DISC1: variants seen among roughly 807,000 people sequenced by gnomAD.
DISC1 encodes DISC1 scaffold protein, also known as disrupted in schizophrenia 1 protein.
Under a neutral mutation model 84.5 loss-of-function variants are expected in DISC1, and 57 were observed. That is an observed-to-expected ratio of 0.67 (90% CI 0.55 to 0.84). DISC1 has a LOEUF of 0.84. Among genes scored for constraint, DISC1 ranks in the 40% least tolerant of loss-of-function variants. The pLI, the probability that DISC1 is intolerant of heterozygous loss-of-function variation, is 0.00. For synonymous variants in DISC1, 411 were observed against 415.2 expected, an observed-to-expected ratio of 0.99 and a Z score of 0.12; for missense variants, 1,000 against 1,057.8, an observed-to-expected ratio of 0.95 and a Z score of 0.76.
At chr1:231,965,852 C>T (rs821596) in intron 10 of DISC1, among the ~76,000 whole-genome samples, 42,673 of 152,186 alleles carry the variant, frequency 0.28, 6,204 homozygotes, top group South Asian at 0.3. Context: ...TTTCTGGCCT[C>T]CTGCTATTTC....
intron 9 of DISC1, among the ~76,000 whole-genome samples, chr1:231,856,562 C>G (rs893673781): frequency 2.0e-5 from 3 of 152,200 alleles, no homozygotes; most frequent in Non-Finnish European, 4.4e-5. Context: ...TTCTCTTGTG[C>G]TCAGGCACAT....
chr1:231,921,194 G>A (rs1387850180), intron 9 of DISC1, among the ~76,000 whole-genome samples: 2 of 152,036 alleles, frequency 1.3e-5, no homozygotes, highest in East Asian at 1.9e-4. Flanking sequence ...GATTATAGGC[G>A]TGAGCCACTG....
At chr1:231,903,465 G>A (rs887537376) in intron 9 of DISC1, among the ~76,000 whole-genome samples, 1 of 152,218 alleles carries the variant, frequency 6.6e-6, no homozygotes, top group Non-Finnish European at 1.5e-5. Context: ...TATATAATAT[G>A]TGAAAAAATA....
chr1:231,726,914 A>C (rs1206004799), intron 3 of DISC1, among the ~76,000 whole-genome samples: 1 of 152,170 alleles, frequency 6.6e-6, no homozygotes, highest in Admixed American at 6.5e-5. Context: ...GTGAGATTTT[A>C]CCCTTCCCTG....
chr1:231,875,358 A>C, intron 9 of DISC1, among the ~76,000 whole-genome samples: 1 of 152,052 alleles, frequency 6.6e-6, no homozygotes. Flanking sequence ...CTGGTGAGTG[A>C]AGGCCACTTG....
chr1:231,658,189 C>T (rs1352244454), intron 1 of DISC1, among the ~76,000 whole-genome samples: 1 of 152,134 alleles, frequency 6.6e-6, no homozygotes, highest in Non-Finnish European at 1.5e-5. Context: ...TTGAAGAGGT[C>T]CTTCACTTCC....
chr1:231,707,334 C>T (rs201284184), intron 3 of DISC1, among the ~76,000 whole-genome samples: 2 of 152,120 alleles, frequency 1.3e-5, no homozygotes, highest in Non-Finnish European at 2.9e-5. Context: ...CTGCAGCTCC[C>T]TTGAACAAGG....
chr1:231,955,748 C>T (rs1659386685), intron 9 of DISC1, among the ~76,000 whole-genome samples: 1 of 152,136 alleles, frequency 6.6e-6, no homozygotes, highest in South Asian at 2.1e-4. Context: ...CCTCAGCCTC[C>T]CAAAGTGCTG....
intron 5 of DISC1, among the ~76,000 whole-genome samples, chr1:231,767,948 A>C (rs531272505): frequency 5.9e-5 from 9 of 152,322 alleles, no homozygotes; most frequent in African/African-American, 2.2e-4. Flanking sequence ...TGTGAGCTGC[A>C]GTTGTTAAGA....
At chr1:232,010,550 A>G (rs1039511391) in intron 11 of DISC1, among the ~76,000 whole-genome samples, 2 of 152,186 alleles carry the variant, frequency 1.3e-5, no homozygotes, top group African/African-American at 2.4e-5. Context: ...GAGAAAAATG[A>G]ATATCTTTCC....
intron 9 of DISC1, among the ~76,000 whole-genome samples, chr1:231,892,458 G>A (rs890938578): frequency 6.6e-6 from 1 of 152,132 alleles, no homozygotes; most frequent in Non-Finnish European, 1.5e-5. Context: ...ACCCTGTGGT[G>A]CCTTGGTGTC....
At chr1:231,895,049 T>C (rs1018339406) in intron 9 of DISC1, among the ~76,000 whole-genome samples, 2 of 151,620 alleles carry the variant, frequency 1.3e-5, no homozygotes, top group Non-Finnish European at 2.9e-5. Flanking sequence ...ACTTTAAATC[T>C]ACTATCTTGC....
rs2077859039 is a variant in DISC1, at chr1:231,786,346, A to G, written c.1635-8896A>G. Among the ~76,000 whole-genome samples the G allele has an allele frequency of 3.9e-5, 6 of 152,326 alleles. No homozygotes were observed. The South Asian group carries it at 1.2e-3, about 32-fold the overall frequency. On this transcript the variant is annotated intron_variant, in intron 6 of 12. Coordinates refer to ENST00000439617, the MANE Select transcript of DISC1 (RefSeq NM_018662.3). ...CTTGTTCAAAGTCTTGCAGAAAGTTAGTGGGGTAGTGGTGTAATTCTCTAA... is the reference window on the plus strand; with the variant it reads ...CTTGTTCAAAGTCTTGCAGAAAGTTGGTGGGGTAGTGGTGTAATTCTCTAA...
intron 10 of DISC1, among the ~76,000 whole-genome samples, chr1:231,969,575 T>C (rs1035550294): frequency 1.0e-4 from 15 of 143,528 alleles, no homozygotes; most frequent in African/African-American, 1.8e-4. Flanking sequence ...GATACTCCAA[T>C]ATACTTGTTT....
intron 9 of DISC1, chr1:231,925,828 G>T (rs2090330192): frequency 6.6e-6 from 1 of 152,312 alleles, no homozygotes; most frequent in Non-Finnish European, 1.5e-5. Context: ...CATGCTACGG[G>T]TTGCTGACAA....
chr1:231,816,303 TTTAA>T (rs1437568473), intron 8 of DISC1, among the ~76,000 whole-genome samples: 4 of 152,264 alleles, frequency 2.6e-5, no homozygotes, highest in Admixed American at 2.6e-4. Context: ...CCATTTGTGT[TTTAA>T]TTGTCAAGTT....
intron 8 of DISC1, among the ~76,000 whole-genome samples, chr1:231,815,575 A>G (rs557363740): frequency 3.9e-5 from 6 of 152,134 alleles, no homozygotes; most frequent in African/African-American, 1.4e-4. Context: ...CGGCTCTACT[A>G]AAAAATACAA....
intron 10 of DISC1, among the ~76,000 whole-genome samples, chr1:231,990,352 TCTC>T (rs1332048389): frequency 5.3e-5 from 8 of 151,700 alleles, no homozygotes. Context: ...CCTGAAGACA[TCTC>T]CTTCCGGCCA....
chr1:231,722,920 G>C (rs545817140), intron 3 of DISC1: 24 of 1,278,460 alleles, frequency 1.9e-5, no homozygotes, highest in East Asian at 3.7e-5. Context: ...ATTTTTGTAG[G>C]GGGGAGAAAC....
Sources: allele counts gnomAD v4.1 joint callset (sites outside exome capture counted in the v4.1 genomes callset), GRCh38; gene constraint gnomAD v4.1.1; transcripts MANE v1.5; gene names NCBI Gene and HGNC (gene_info 2026-07-23, HGNC 2026-07-21).